Variants in CCDC138 observed in about 807,000 individuals in gnomAD.
CCDC138 encodes the protein coiled-coil domain containing 138.
Under a neutral mutation model 82.3 loss-of-function variants are expected in CCDC138, and 66 were observed. The ratio of observed to expected loss-of-function variants is 0.80; its 90% confidence interval spans 0.66 to 0.98. The LOEUF is 0.98. Among genes scored for constraint, CCDC138 ranks in the 50% least tolerant of loss-of-function variants. CCDC138 has a pLI of 0.00. For synonymous variants in CCDC138, 297 were observed against 265.4 expected (o/e 1.12, Z -1.16); for missense variants, 816 against 758.9 (o/e 1.08, Z -0.88).
intron 7 of CCDC138, among the ~76,000 whole-genome samples, chr2:108,809,448 T>TTGTGTGTGTGTGTGTG (rs56122981): frequency 7.1e-6 from 1 of 141,138 alleles, no homozygotes; most frequent in South Asian, 2.4e-4. Flanking sequence ...ACATGAAATG[T>TTGTGTGTGTGTGTGTG]TGTGTGTGTG....
At chr2:108,870,593 C>A (rs539561834) in intron 13 of CCDC138, among the ~76,000 whole-genome samples, 5 of 152,286 alleles carry the variant, frequency 3.3e-5, no homozygotes, top group Admixed American at 3.3e-4. Context: ...CAAAGAGTAT[C>A]TGCAAAGCAA....
In CCDC138 at chr2:108,840,897, C is replaced by T. The variant is rs569115682; in HGVS notation, c.1323+1596C>T. 4.6e-5 allele frequency among the ~76,000 whole-genome samples: 7 copies of T among 152,164 alleles called. No individual in the cohort carries two copies. The South Asian group carries it at 1.5e-3, about 32-fold the overall frequency. ...CACAGTCTCGGCTCATTGCAACCTC[C>T]ACCTCCCAGGCTCAAGTGATTCTCC... On this transcript the variant is annotated intron_variant, in intron 11 of 14. Transcript: ENST00000295124.
At chr2:108,874,283 A>T (rs189846793) in intron 14 of CCDC138, among the ~76,000 whole-genome samples, 2 of 152,188 alleles carry the variant, frequency 1.3e-5, no homozygotes, top group Admixed American at 1.3e-4. Context: ...ATTTTAGTAA[A>T]CTCTTATGGA....
chr2:108,813,269 A>AAG (rs1684216204), intron 9 of CCDC138, among the ~76,000 whole-genome samples: 2 of 150,940 alleles, frequency 1.3e-5, no homozygotes, highest in Non-Finnish European at 1.5e-5. Flanking sequence ...AAAAAAAAAA[A>AAG]AAAGAAAATT....
intron 6 of CCDC138, among the ~76,000 whole-genome samples, chr2:108,800,035 G>T (rs1460725812): frequency 2.0e-5 from 3 of 151,976 alleles, no homozygotes; most frequent in African/African-American, 7.2e-5. Context: ...ACCTCATGGA[G>T]CATAGTTTAA....
intron 13 of CCDC138, among the ~76,000 whole-genome samples, chr2:108,858,491 C>A (rs766928629): frequency 1.1e-4 from 16 of 152,098 alleles, no homozygotes; most frequent in Non-Finnish European, 1.8e-4. Context: ...ATGGGTGAAT[C>A]TTTGATGATG....
At chr2:108,828,599 A>C (rs920459070) in intron 10 of CCDC138, among the ~76,000 whole-genome samples, 2 of 152,238 alleles carry the variant, frequency 1.3e-5, no homozygotes, top group African/African-American at 4.8e-5. Context: ...CAGTGGAGGA[A>C]GGACAGTCTT....
At chr2:108,843,844 TTGTGTGTGTG>T (rs71383805) in intron 11 of CCDC138, among the ~76,000 whole-genome samples, 24 of 22,838 alleles carry the variant, frequency 1.1e-3, no homozygotes, top group African/African-American at 1.4e-3. Context: ...AGTTCATGTT[TTGTGTGTGTG>T]TGTGTGTGTG....
chr2:108,877,835 C>G (rs978617836), downstream of CCDC138, among the ~76,000 whole-genome samples: 1 of 152,184 alleles, frequency 6.6e-6, no homozygotes, highest in African/African-American at 2.4e-5. Flanking sequence ...TAGATGCATC[C>G]TGGCCAAATG....
intron 12 of CCDC138, among the ~76,000 whole-genome samples, chr2:108,855,910 C>T (rs934368254): frequency 6.6e-6 from 1 of 152,156 alleles, no homozygotes; most frequent in Non-Finnish European, 1.5e-5. Flanking sequence ...AAACAGAAAT[C>T]TCAGTATAAA....
At chr2:108,872,610 T>C (rs2378216) in intron 13 of CCDC138, among the ~76,000 whole-genome samples, 110,682 of 151,954 alleles carry the variant, frequency 0.73, 43,053 homozygotes, top group East Asian at 0.95. Flanking sequence ...ATCAAGATGC[T>C]GGCATCTTGC....
At position 108,809,796 on chromosome 2, in the gene CCDC138, T is replaced by TTTTGTTTG. The variant is rs70956279; in HGVS notation, c.856-2813_856-2806dup. On this transcript the variant is annotated intron_variant, in intron 7 of 14. Coordinates refer to ENST00000295124, the MANE Select transcript of CCDC138 (RefSeq NM_144978.3). The stretch of plus-strand genomic sequence containing the variant: ...AAGGACAATTTGACTCATTTCCAAT[T>TTTTGTTTG]TTTGTTTGTTTGTTTGTTTGTTTGT... Among the ~76,000 whole-genome samples the TTTTGTTTG allele has an allele frequency of 2.2e-3, 328 of 150,790 alleles. 1 individual carries two copies. Among genetic ancestry groups the TTTTGTTTG allele is most frequent in the African/African-American group, 7.7e-3 (317 of 41,078 alleles).
At chr2:108,796,454 G>T (rs1265072724) in intron 5 of CCDC138, among the ~76,000 whole-genome samples, 1 of 152,124 alleles carries the variant, frequency 6.6e-6, no homozygotes, top group Non-Finnish European at 1.5e-5. Flanking sequence ...TAGAACTACC[G>T]TATGATCCAG....
At chr2:108,865,141 A>G (rs955765020) in intron 13 of CCDC138, among the ~76,000 whole-genome samples, 1 of 151,866 alleles carries the variant, frequency 6.6e-6, no homozygotes, top group South Asian at 2.1e-4. Context: ...TTTTATATAT[A>G]TTTTATATAG....
At chr2:108,789,228 T>G (rs1450868716) in intron 3 of CCDC138, among the ~76,000 whole-genome samples, 1 of 152,220 alleles carries the variant, frequency 6.6e-6, no homozygotes, top group Non-Finnish European at 1.5e-5. Flanking sequence ...TGAAAAAATA[T>G]ATTTTTATGG....
chr2:108,857,007 G>T (rs775501365), intron 13 of CCDC138, 37 bp downstream of exon 13: 64 of 1,147,932 alleles, frequency 5.6e-5, no homozygotes, highest in Non-Finnish European at 7.5e-5. Context: ...AAGAAAGCAG[G>T]ATGATTTTTC....
At chr2:108,791,362 CTACCTTAT>C (rs1679873972) in intron 3 of CCDC138, among the ~76,000 whole-genome samples, 1 of 152,092 alleles carries the variant, frequency 6.6e-6, no homozygotes, top group Non-Finnish European at 1.5e-5. Flanking sequence ...TTAGCTAAAA[CTACCTTAT>C]AGATAACAGA....
intron 10 of CCDC138, among the ~76,000 whole-genome samples, chr2:108,835,759 A>G (rs936723614): frequency 1.3e-5 from 2 of 152,244 alleles, no homozygotes; most frequent in African/African-American, 4.8e-5. Flanking sequence ...TTGCAAAACT[A>G]AAACTCAGTA....
intron 6 of CCDC138, among the ~76,000 whole-genome samples, chr2:108,798,816 T>C (rs62153560): frequency 1.1e-4 from 15 of 131,636 alleles, no homozygotes; most frequent in East Asian, 4.7e-4. Context: ...TCTCCACACC[T>C]ACACACACAC....
Sources: allele counts gnomAD v4.1 joint callset (sites outside exome capture counted in the v4.1 genomes callset), GRCh38; gene constraint gnomAD v4.1.1; transcripts MANE v1.5; gene names NCBI Gene and HGNC (gene_info 2026-07-23, HGNC 2026-07-21).